Variants in TCF25 observed in about 807,000 individuals in gnomAD.
TCF25 encodes TCF25 ribosome quality control complex subunit.
Under a neutral mutation model 83.1 loss-of-function variants are expected in TCF25, and 41 were observed. The ratio of observed to expected loss-of-function variants is 0.49; its 90% CI spans 0.38 to 0.64. TCF25 has a LOEUF of 0.64. Ranked by LOEUF, TCF25 falls within the 30% of genes least tolerant of loss-of-function variation. The pLI, the probability that TCF25 is intolerant of heterozygous loss-of-function variation, is 0.00. For missense variants in TCF25, 979 were observed against 914.5 expected (o/e 1.07, Z -0.91); for synonymous variants, 458 against 365.0 (o/e 1.25, Z -2.90).
intron 16 of TCF25, chr16:89,909,167 A>G: frequency 7.8e-7 from 1 of 1,274,864 alleles, no homozygotes; most frequent in Non-Finnish European, 1.0e-6. Flanking sequence ...ACATAAAATC[A>G]AAACTGCACC....
At chr16:89,901,031 G>T (rs2144210668) in intron 12 of TCF25, 2 of 443,592 alleles carry the variant, frequency 4.5e-6, no homozygotes, top group African/African-American at 1.9e-5. Flanking sequence ...CCCCCGTGGG[G>T]CCTGTGTTCT....
chr16:89,887,784 G>A, intron 5 of TCF25, 67 bp downstream of exon 5: 1 of 1,439,318 alleles, frequency 6.9e-7, no homozygotes, highest in Non-Finnish European at 9.3e-7. Context: ...GGCCGGGGGT[G>A]GTGTTCCTGA....
intron 12 of TCF25, among the ~76,000 whole-genome samples, chr16:89,902,581 T>C (rs546677559): frequency 1.4e-5 from 2 of 146,948 alleles, no homozygotes; most frequent in African/African-American, 2.5e-5. Flanking sequence ...CCCAGCTACT[T>C]GGGAGGCTGA....
intron 1 of TCF25, among the ~76,000 whole-genome samples, chr16:89,879,259 T>A (rs937369418): frequency 6.8e-6 from 1 of 147,694 alleles, no homozygotes. Flanking sequence ...ACAGATGGGC[T>A]TCGGGGCCTG....
chr16:89,875,433 G>A lies in TCF25; in HGVS notation c.192+1574G>A, dbSNP rs146821498. ...TTAACTTCTTTAATTTCTGCGTGCTGAAAGATACTGGAGCCACTTTTCTCA... is the reference window on the plus strand; with the variant it reads ...TTAACTTCTTTAATTTCTGCGTGCTAAAAGATACTGGAGCCACTTTTCTCA... On this transcript the variant is annotated intron_variant, in intron 1 of 17. Coordinates refer to ENST00000263346, the MANE Select transcript of TCF25 (RefSeq NM_014972.3). Among the ~76,000 whole-genome samples, 36 of 150,136 alleles carry A rather than the reference G, an allele frequency of 2.4e-4. 1 individual carries two copies. The highest frequency in any genetic ancestry group is 8.8e-4 in the African/African-American group (36 of 40,800).
chr16:89,877,801 A>G lies in TCF25; in HGVS notation c.192+3942A>G, dbSNP rs117768329. Among the ~76,000 whole-genome samples, 1,178 of 152,262 alleles carry G rather than the reference A, an allele frequency of 7.7e-3. 3 individuals are homozygous for G. The highest frequency in any genetic ancestry group is 0.011 in the Non-Finnish European group (738 of 68,018). ...TTACCATTTTCAGGGATGGGAGAGGAGTGTTCACAGGTACAGATGGTGCAG... is the reference window on the plus strand; with the variant it reads ...TTACCATTTTCAGGGATGGGAGAGGGGTGTTCACAGGTACAGATGGTGCAG... On this transcript the variant is annotated intron_variant, in intron 1 of 17. Coordinates refer to ENST00000263346, the MANE Select transcript of TCF25 (RefSeq NM_014972.3).
chr16:89,903,267 G>C (rs936308677), intron 12 of TCF25, among the ~76,000 whole-genome samples: 5 of 152,258 alleles, frequency 3.3e-5, no homozygotes, highest in African/African-American at 1.2e-4. Context: ...CTCGGGGCCC[G>C]TTCCCCTACA....
chr16:89,910,899 G>C (rs929959371), intron 17 of TCF25, among the ~76,000 whole-genome samples, 181 bp from the exon 18 acceptor site: 2 of 152,230 alleles, frequency 1.3e-5, no homozygotes, highest in Admixed American at 1.3e-4. Context: ...CTCTGTGCCT[G>C]GCTTGGTCTA....
In TCF25 at chr16:89,904,825, G is replaced by T. The variant is rs1044999981; in HGVS notation, c.1470-113G>T. 2.2e-6 allele frequency: 3 copies of T among 1,350,206 alleles called. No homozygotes were observed. The African/African-American group carries it at 4.3e-5, about 19-fold the overall frequency. 83.6% of individuals were successfully genotyped at this position (1,350,206 alleles called of 1,614,324 possible). A position where few individuals can be genotyped will look rare whatever the true frequency, so the allele number is the denominator to read the frequency against. ...AGCCCAGGGGCCTCCTTTCACTCCA[G>T]GCCACAGGGCACTCCCTGGACCCCC... is the stretch of plus-strand genomic sequence containing the variant. On this transcript the variant is annotated intron_variant, in intron 13 of 17. Coordinates refer to ENST00000263346, the MANE Select transcript of TCF25 (RefSeq NM_014972.3).
intron 8 of TCF25, 44 bp downstream of exon 8, chr16:89,895,181 C>A (rs2043754051): frequency 1.3e-6 from 2 of 1,560,842 alleles, no homozygotes; most frequent in African/African-American, 2.7e-5. Flanking sequence ...TGTGGGAGCA[C>A]CTCAAGCTAT....
chr16:89,888,499 G>T (rs2043181663), intron 5 of TCF25, among the ~76,000 whole-genome samples: 1 of 149,736 alleles, frequency 6.7e-6, no homozygotes, highest in Non-Finnish European at 1.5e-5. Flanking sequence ...TGAGGCAGGA[G>T]AATCGCTTGA....
chr16:89,895,203 C>G, intron 8 of TCF25, 66 bp downstream of exon 8: 1 of 1,449,550 alleles, frequency 6.9e-7, no homozygotes. Flanking sequence ...AAGACAGATG[C>G]GATGGTGTAA....
intron 1 of TCF25, among the ~76,000 whole-genome samples, chr16:89,876,002 A>G (rs1000366104): frequency 5.3e-5 from 8 of 149,796 alleles, no homozygotes; most frequent in Non-Finnish European, 1.2e-4. Flanking sequence ...TTTTTTTCCC[A>G]TTTAAATATT....
rs1032887290 is a variant in TCF25, at chr16:89,878,714, C to G, written c.193-4637C>G. 3.1e-6 allele frequency: 3 copies of G among 955,978 alleles called. No individual in the cohort carries two copies. In the African/African-American group the frequency reaches 5.3e-5, roughly 17 times the overall value. The allele number at this position is 955,978 out of a possible 1,614,324, so 59.2% of individuals were successfully genotyped here. A position where few individuals can be genotyped will look rare whatever the true frequency, so the allele number is the denominator to read the frequency against. ...GGAGTGCAGTGGCACCATCTCAGCT[C>G]ACTGCAAGCTCTGCCTCCTGGATTC... On this transcript the variant is annotated intron_variant, in intron 1 of 17. Coordinates refer to ENST00000263346, the MANE Select transcript of TCF25 (RefSeq NM_014972.3).
intron 17 of TCF25, 108 bp downstream of exon 17, chr16:89,910,771 G>A (rs1238864761): frequency 4.6e-6 from 6 of 1,309,528 alleles, no homozygotes; most frequent in Non-Finnish European, 6.5e-6. Context: ...AGCCGGCACA[G>A]GGAGCAGGGA....
At chr16:89,907,034 C>G (rs897759928) in intron 15 of TCF25, among the ~76,000 whole-genome samples, 2 of 152,066 alleles carry the variant, frequency 1.3e-5, no homozygotes, top group African/African-American at 4.8e-5. Flanking sequence ...CATCTCGACT[C>G]CCGTGAGTGT....
intron 3 of TCF25, among the ~76,000 whole-genome samples, chr16:89,885,094 C>T (rs1447376874): frequency 6.7e-6 from 1 of 148,604 alleles, no homozygotes; most frequent in Non-Finnish European, 1.5e-5. Flanking sequence ...CCCTCTCCCT[C>T]TGCCTGACGC....
intron 12 of TCF25, chr16:89,901,137 G>C: frequency 4.6e-6 from 1 of 219,598 alleles, no homozygotes; most frequent in Non-Finnish European, 9.4e-6. Context: ...CGGCAGCGCC[G>C]AGGTGTGGCC....
chr16:89,906,305 T>C (rs1456481595), intron 15 of TCF25, 21 bp downstream of exon 15: 1 of 1,610,078 alleles, frequency 6.2e-7, no homozygotes, highest in Non-Finnish European at 8.5e-7. Flanking sequence ...AAGGCTGAAA[T>C]GGGAGCTCTG....
Sources: allele counts gnomAD v4.1 joint callset (sites outside exome capture counted in the v4.1 genomes callset), GRCh38; gene constraint gnomAD v4.1.1; transcripts MANE v1.5; gene names NCBI Gene and HGNC (gene_info 2026-07-23, HGNC 2026-07-21).